The following RYR2 variants were observed in gnomAD, a reference collection of about 807,000 sequenced individuals.
RYR2 encodes cardiac muscle ryanodine receptor-calcium release channel.
Under a neutral mutation model 601.1 loss-of-function variants are expected in RYR2, and 227 were observed. The observed-to-expected ratio is 0.38, with a 90% CI of 0.34 to 0.42. RYR2 has a LOEUF of 0.42. Among genes scored for constraint, RYR2 ranks in the 10% least tolerant of loss-of-function variants. RYR2 has a pLI of 1.00. For synonymous variants in RYR2, 2,223 were observed against 2,175.1 expected (o/e 1.02, Z -0.61); for missense variants, 4,646 against 6,156.5 (o/e 0.75, Z 8.21).
rs1474971861 is a variant in RYR2, at chr1:237,610,880, A to G, written c.4802A>G (p.Asn1601Ser). ...LSHVLWSRMP[N>S]QFLKVDVSRI... ...CACGTCCTGTGGAGCAGAATGCCCAACCAGTTTTTGAAGGTAGATGTGTCT... is the reference window on the plus strand; with the variant it reads ...CACGTCCTGTGGAGCAGAATGCCCAGCCAGTTTTTGAAGGTAGATGTGTCT... The change falls in exon 36 of 105, where the codon AAC becomes AGC. Residue 1601 changes from asparagine to serine, a missense_variant. By Grantham distance (46) the Asn-to-Ser change is conservative. Transcript: ENST00000366574. The surrounding 1 kb of genome is among the most constrained non-coding windows in gnomAD (Gnocchi z 4.9). 6.2e-6 allele frequency: 10 copies of G among 1,613,356 alleles called. No homozygotes were observed. The highest frequency in any genetic ancestry group is 1.3e-5 in the African/African-American group (1 of 74,928).
intron 84 of RYR2, among the ~76,000 whole-genome samples, chr1:237,763,762 G>A (rs1693619658): frequency 6.6e-6 from 1 of 152,170 alleles, no homozygotes; most frequent in Non-Finnish European, 1.5e-5. Context: ...CCACTCATTA[G>A]CTCTATTAAT....
intron 21 of RYR2, among the ~76,000 whole-genome samples, chr1:237,502,010 A>G (rs186035060): frequency 1.3e-5 from 2 of 150,210 alleles, no homozygotes; most frequent in Non-Finnish European, 2.9e-5. Flanking sequence ...TTGTTTCTTT[A>G]GTTAGCACCT....
In RYR2 at chr1:237,454,459, T is replaced by G; in HGVS notation, c.1361T>G (p.Leu454Arg). 1 of 1,613,622 alleles carries G rather than the reference T, an allele frequency of 6.2e-7. No individual in the cohort carries two copies. The highest frequency in any genetic ancestry group is 8.5e-7 in the Non-Finnish European group (1 of 1,179,680). Residue 454 changes from leucine (L) to arginine (R), a missense_variant, in exon 15 of 105, where the codon CTA becomes CGA. By Grantham distance (102) the Leu-to-Arg change is moderately radical. Coordinates refer to ENST00000366574, the MANE Select transcript of RYR2 (RefSeq NM_001035.3). ...GATTTGCCTATAGAGTCCGTAAGCC[T>G]AAGTCTGCAGGATCTCATTGGCTAC... ...TVDLPIESVS[L>R]SLQDLIGYFH...
chr1:237,597,532 G>A (rs181426295), intron 34 of RYR2, among the ~76,000 whole-genome samples: 3 of 151,624 alleles, frequency 2.0e-5, no homozygotes, highest in East Asian at 3.9e-4. Flanking sequence ...CGCTCACCTC[G>A]GCCTCCCAAA....
At chr1:237,388,791 T>A (rs1702143785) in intron 10 of RYR2, among the ~76,000 whole-genome samples, 2 of 152,198 alleles carry the variant, frequency 1.3e-5, no homozygotes, top group Non-Finnish European at 2.9e-5. Flanking sequence ...CCTTACAAAT[T>A]AATCAATGAA....
At chr1:237,539,171 T>A (rs1668986399) in intron 25 of RYR2, among the ~76,000 whole-genome samples, 1 of 152,230 alleles carries the variant, frequency 6.6e-6, no homozygotes, top group South Asian at 2.1e-4. Flanking sequence ...TAATTTTGGG[T>A]TAAAATCTTG....
intron 66 of RYR2, among the ~76,000 whole-genome samples, chr1:237,703,963 AAAAC>A (rs1160434384): frequency 2.6e-5 from 4 of 152,144 alleles, no homozygotes; most frequent in African/African-American, 9.6e-5. Context: ...AAACCAAACC[AAAAC>A]AAACAAGCAA....
chr1:237,600,979 C>A (rs1676441624), intron 34 of RYR2, among the ~76,000 whole-genome samples: 2 of 152,154 alleles, frequency 1.3e-5, no homozygotes, highest in African/African-American at 4.8e-5. Context: ...GAAACCCATA[C>A]ACTGTTGGTG....
chr1:237,454,002 C>A (rs1048388049), intron 14 of RYR2, among the ~76,000 whole-genome samples: 3 of 152,046 alleles, frequency 2.0e-5, no homozygotes, highest in Non-Finnish European at 4.4e-5. Context: ...CTTAGGAATT[C>A]CTTTTTGAAG....
Position 237,809,044 on chromosome 1 carries a change from A to G in RYR2, c.14433+9A>G. 1 of 1,610,766 alleles carries G rather than the reference A, an allele frequency of 6.2e-7. No homozygotes were observed. On this transcript the variant is annotated intron_variant, in intron 100 of 104. Coordinates refer to ENST00000366574, the MANE Select transcript of RYR2 (RefSeq NM_001035.3). The stretch of plus-strand genomic sequence containing the variant: ...GTGACGATATGCTAACAGTAAGTTC[A>G]TAACCTTTGATCTCACATAAACAAA...
At chr1:237,721,726 GC>G (rs1332927355) in intron 73 of RYR2, among the ~76,000 whole-genome samples, 1 of 152,036 alleles carries the variant, frequency 6.6e-6, no homozygotes, top group African/African-American at 2.4e-5. Context: ...CACCATGTTG[GC>G]CAGGCTGGTC....
intron 10 of RYR2, among the ~76,000 whole-genome samples, chr1:237,403,892 A>C (rs958590719): frequency 2.0e-5 from 3 of 152,244 alleles, no homozygotes; most frequent in African/African-American, 7.2e-5. Context: ...GAGTTAAATC[A>C]GAGGATACTG....
At chr1:237,742,658 G>A (rs972061427) in intron 80 of RYR2, among the ~76,000 whole-genome samples, 1 of 152,158 alleles carries the variant, frequency 6.6e-6, no homozygotes, top group Non-Finnish European at 1.5e-5. Flanking sequence ...TCCAACAGAC[G>A]TGAGGAAAAT....
At chr1:237,273,491 G>T (rs1689919970) in intron 2 of RYR2, among the ~76,000 whole-genome samples, 1 of 152,198 alleles carries the variant, frequency 6.6e-6, no homozygotes, top group South Asian at 2.1e-4. Context: ...GTGGCACGAG[G>T]AATGGTGGTG....
At chr1:237,389,258 A>T (rs763302359) in intron 10 of RYR2, among the ~76,000 whole-genome samples, 20 of 152,244 alleles carry the variant, frequency 1.3e-4, no homozygotes, top group Non-Finnish European at 2.6e-4. Context: ...CTTAAGAACT[A>T]GAGAGATGTC....
chr1:237,299,279 C>T (rs1693118567), intron 2 of RYR2, among the ~76,000 whole-genome samples: 1 of 152,000 alleles, frequency 6.6e-6, no homozygotes, highest in South Asian at 2.1e-4. Flanking sequence ...TATCATTGAC[C>T]AGAGTGTTTT....
At chr1:237,447,243 C>A (rs371803821) in intron 14 of RYR2, among the ~76,000 whole-genome samples, 1 of 152,308 alleles carries the variant, frequency 6.6e-6, no homozygotes, top group African/African-American at 2.4e-5. Flanking sequence ...AAGCTACTAT[C>A]TCAGTGTTAT....
intron 88 of RYR2, among the ~76,000 whole-genome samples, chr1:237,780,284 T>TAATC (rs1338834048): frequency 2.6e-5 from 4 of 152,184 alleles, no homozygotes; most frequent in Non-Finnish European, 5.9e-5. Context: ...GTCTTTCATT[T>TAATC]AATCACTAGG....
intron 1 of RYR2, among the ~76,000 whole-genome samples, chr1:237,118,299 G>A (rs1229312714): frequency 6.6e-6 from 1 of 151,854 alleles, no homozygotes; most frequent in Admixed American, 6.6e-5. Flanking sequence ...TCACCTTACA[G>A]AAAGTCCTTT....
Sources: gnomAD v4.1 joint callset for allele counts (sites outside exome capture counted in the v4.1 genomes callset) on GRCh38, gnomAD v4.1.1 for gene constraint, Gnocchi (gnomAD v3.1) non-coding constraint, MANE v1.5 for transcripts, NCBI Gene and HGNC (gene_info 2026-07-23, HGNC 2026-07-21) for gene names.